Variants in SGCD observed in about 807,000 individuals in gnomAD.
SGCD encodes the protein sarcoglycan delta, also known as delta-sarcoglycan.
In SGCD, 18 loss-of-function variants were observed where a neutral mutation model predicts 36.6. The ratio of observed to expected loss-of-function variants is 0.49; its 90% CI spans 0.34 to 0.73. The LOEUF (loss-of-function observed/expected upper bound fraction) is 0.73. SGCD is among the 30% of genes least tolerant of loss of function. The pLI, the probability that SGCD is intolerant of heterozygous loss-of-function variation, is 0.01. For missense variants in SGCD, 387 were observed against 346.7 expected (o/e 1.12, Z -0.92); for synonymous variants, 133 against 130.6 (o/e 1.02, Z -0.12).
At chr5:155,809,451 G>A in the SGCD span, among the ~76,000 whole-genome samples, 3 of 152,200 alleles carry the variant, frequency 2.0e-5, no homozygotes, top group African/African-American at 7.2e-5. Context: ...TTTGAGTTAT[G>A]TCGCCAGCTT....
At position 155,927,091 on chromosome 5, in the gene SGCD, G is replaced by A. The variant is rs529544695; in HGVS notation, c.-282+56667G>A. 5.3e-5 allele frequency among the ~76,000 whole-genome samples: 8 copies of A among 152,248 alleles called. No individual in the cohort carries two copies. In the South Asian group the frequency reaches 1.7e-3, roughly 32 times the overall value. On this transcript the variant is annotated intron_variant, in intron 1 of 9. Coordinates refer to the SGCD transcript ENST00000517913. ...AATATTGCCATGGGTGAGAGTACTT[G>A]ATTTCAAACATATAAGTGCTTTGTC...
At chr5:155,802,319 A>AT in the SGCD span, among the ~76,000 whole-genome samples, 3 of 152,174 alleles carry the variant, frequency 2.0e-5, no homozygotes, top group East Asian at 5.8e-4. Flanking sequence ...TTGGTTCCTG[A>AT]TGGTTTTTTG....
At chr5:156,393,882 G>A in intron 3 of SGCD, 1 of 453,192 alleles carries the variant, frequency 2.2e-6, no homozygotes, top group Non-Finnish European at 4.4e-6. Context: ...TTTGTACTGT[G>A]GGTATGCCAC....
chr5:156,592,578 TC>T (rs1460291181), intron 5 of SGCD, among the ~76,000 whole-genome samples: 1 of 152,074 alleles, frequency 6.6e-6, no homozygotes, highest in Non-Finnish European at 1.5e-5. Flanking sequence ...TGGCCCCAGC[TC>T]CCTTCTCCTT....
chr5:156,404,790 G>A (rs1026784945), intron 3 of SGCD, among the ~76,000 whole-genome samples: 1 of 152,076 alleles, frequency 6.6e-6, no homozygotes, highest in African/African-American at 2.4e-5. Flanking sequence ...TATGAATTTG[G>A]CACTTTATTT....
At chr5:156,520,878 G>A (rs1757372419) in intron 4 of SGCD, among the ~76,000 whole-genome samples, 2 of 151,942 alleles carry the variant, frequency 1.3e-5, no homozygotes, top group Non-Finnish European at 2.9e-5. Flanking sequence ...ATAGCTGGGT[G>A]TGCTGGTGGG....
chr5:155,930,084 C>T (rs900249243), intron 1 of SGCD, among the ~76,000 whole-genome samples: 3 of 152,136 alleles, frequency 2.0e-5, no homozygotes, highest in African/African-American at 7.2e-5. Flanking sequence ...GTATGTGATA[C>T]ATATGTCTTC....
intron 1 of SGCD, among the ~76,000 whole-genome samples, chr5:156,072,702 C>T (rs1384418875): frequency 1.3e-5 from 2 of 152,168 alleles, no homozygotes; most frequent in Non-Finnish European, 2.9e-5. Context: ...GGGAAGTTCT[C>T]CTGGATAATG....
chr5:156,378,254 A>G (rs1230927058), intron 3 of SGCD, among the ~76,000 whole-genome samples: 3 of 152,194 alleles, frequency 2.0e-5, no homozygotes, highest in East Asian at 3.8e-4. Flanking sequence ...CAAAACTCAA[A>G]TGCTGTATGA....
intron 3 of SGCD, among the ~76,000 whole-genome samples, chr5:156,375,395 C>CTT (rs60179274): frequency 2.3e-4 from 25 of 110,722 alleles, no homozygotes; most frequent in South Asian, 3.6e-4. Flanking sequence ...TCCTTCACAG[C>CTT]TTTTTTTTTT....
chr5:155,806,512 T>C, the SGCD span, among the ~76,000 whole-genome samples: 306 of 152,274 alleles, frequency 2.0e-3, 6 homozygotes, highest in East Asian at 0.055. Context: ...TGTGTAGATT[T>C]GTTGAATTAA....
intron 3 of SGCD, among the ~76,000 whole-genome samples, chr5:156,470,901 T>C (rs574650490): frequency 6.6e-6 from 1 of 152,204 alleles, no homozygotes; most frequent in Non-Finnish European, 1.5e-5. Flanking sequence ...CCTTAATGAC[T>C]AAAGTATACA....
At chr5:155,927,032 C>G (rs1476451007) in intron 1 of SGCD, among the ~76,000 whole-genome samples, 4 of 152,112 alleles carry the variant, frequency 2.6e-5, no homozygotes, top group African/African-American at 9.7e-5. Context: ...CAGGGCAGCT[C>G]ACTACAACAA....
chr5:156,524,633 G>T (rs921926791), intron 4 of SGCD, among the ~76,000 whole-genome samples: 2 of 151,630 alleles, frequency 1.3e-5, no homozygotes, highest in Admixed American at 1.3e-4. Flanking sequence ...CAAATTTCAG[G>T]TATATAATAC....
intron 3 of SGCD, among the ~76,000 whole-genome samples, chr5:156,194,520 AAC>A (rs1344335514): frequency 6.6e-6 from 1 of 152,166 alleles, no homozygotes; most frequent in African/African-American, 2.4e-5. Flanking sequence ...TGGAGAGAAA[AAC>A]AGTCAATTGT....
intron 4 of SGCD, among the ~76,000 whole-genome samples, chr5:156,539,027 G>A (rs1758240550): frequency 6.6e-6 from 1 of 152,022 alleles, no homozygotes; most frequent in African/African-American, 2.4e-5. Flanking sequence ...TTTTGGCAGA[G>A]CCTTTGGGGA....
chr5:155,780,075 A>G, the SGCD span, among the ~76,000 whole-genome samples: 8 of 152,198 alleles, frequency 5.3e-5, no homozygotes, highest in Non-Finnish European at 1.0e-4. Flanking sequence ...TAAACCTAGA[A>G]AATCTCTTAG....
the SGCD span, among the ~76,000 whole-genome samples, chr5:155,756,748 A>T: frequency 6.6e-6 from 1 of 152,184 alleles, no homozygotes; most frequent in African/African-American, 2.4e-5. Context: ...ATGGCTCATG[A>T]ATATTAAACA....
intron 7 of SGCD, among the ~76,000 whole-genome samples, chr5:156,745,249 G>A (rs1756891356): frequency 6.6e-6 from 1 of 152,136 alleles, no homozygotes; most frequent in Non-Finnish European, 1.5e-5. Flanking sequence ...GACTACAAGG[G>A]AAATTGCCTG....
Sources: allele counts gnomAD v4.1 joint callset (sites outside exome capture counted in the v4.1 genomes callset), GRCh38; gene constraint gnomAD v4.1.1; transcripts MANE v1.5; gene names NCBI Gene and HGNC (gene_info 2026-07-23, HGNC 2026-07-21).